TRPC4: variants seen among roughly 807,000 people sequenced by gnomAD.
TRPC4 encodes transient receptor potential cation channel subfamily C member 4, also known as short transient receptor potential channel 4.
A neutral mutation model predicts 99.4 loss-of-function variants in TRPC4; 49 were observed. The ratio of observed to expected loss-of-function variants is 0.49; its 90% CI spans 0.39 to 0.63. The LOEUF is 0.63. Among genes scored for constraint, TRPC4 ranks in the 20% least tolerant of loss-of-function variants. The pLI is 0.00. For synonymous variants in TRPC4, 454 were observed against 425.9 expected (o/e 1.07, Z -0.81); for missense variants, 898 against 1,152.9 (o/e 0.78, Z 3.20).
chr13:37,858,927 G>T (rs1050363116), intron 1 of TRPC4, among the ~76,000 whole-genome samples: 8 of 151,268 alleles, frequency 5.3e-5, no homozygotes, highest in Non-Finnish European at 7.4e-5. Context: ...ATAACTAAAA[G>T]GGCATAAATG....
intron 1 of TRPC4, among the ~76,000 whole-genome samples, chr13:37,797,304 T>C (rs1262387782): frequency 6.6e-6 from 1 of 152,316 alleles, no homozygotes; most frequent in African/African-American, 2.4e-5. Flanking sequence ...CAACTGACTA[T>C]GGATGCAACT....
chr13:37,817,706 A>G (rs561182246), intron 1 of TRPC4, among the ~76,000 whole-genome samples: 1 of 152,116 alleles, frequency 6.6e-6, no homozygotes, highest in East Asian at 1.9e-4. Flanking sequence ...ACAATGGAAC[A>G]GAATAAAGAA....
chr13:37,704,202 G>A (rs937706545), intron 3 of TRPC4, among the ~76,000 whole-genome samples: 2 of 152,138 alleles, frequency 1.3e-5, no homozygotes, highest in African/African-American at 2.4e-5. Context: ...AGTTGCCTAC[G>A]GGGGAATGGG....
At chr13:37,725,067 A>C (rs1955002510) in intron 3 of TRPC4, among the ~76,000 whole-genome samples, 1 of 152,062 alleles carries the variant, frequency 6.6e-6, no homozygotes. Context: ...GAATTTTTTA[A>C]AAAAAGAAAC....
intron 1 of TRPC4, among the ~76,000 whole-genome samples, chr13:37,831,849 T>C (rs1372914319): frequency 6.6e-6 from 1 of 151,706 alleles, no homozygotes; most frequent in Non-Finnish European, 1.5e-5. Context: ...CTCAGAGAAG[T>C]AGAGAGTAGA....
intron 5 of TRPC4, among the ~76,000 whole-genome samples, chr13:37,664,572 C>G (rs1229589069): frequency 8.7e-6 from 1 of 114,430 alleles, no homozygotes; most frequent in African/African-American, 3.5e-5. Context: ...GAAACTCCAT[C>G]TCAAAAGAAA....
intron 4 of TRPC4, among the ~76,000 whole-genome samples, chr13:37,676,835 G>T (rs1953073045): frequency 6.6e-6 from 1 of 152,066 alleles, no homozygotes. Flanking sequence ...CATACTAAAA[G>T]GATATTTTTA....
At chr13:37,700,209 A>G (rs934742448) in intron 3 of TRPC4, among the ~76,000 whole-genome samples, 1 of 152,204 alleles carries the variant, frequency 6.6e-6, no homozygotes, top group African/African-American at 2.4e-5. Flanking sequence ...TGCTTTCTTA[A>G]AACTTGAATA....
intron 4 of TRPC4, among the ~76,000 whole-genome samples, chr13:37,682,294 A>G (rs1181946448): frequency 6.6e-6 from 1 of 152,200 alleles, no homozygotes; most frequent in Non-Finnish European, 1.5e-5. Context: ...TATCAAATCA[A>G]TGAAGATAAA....
rs935534376 is a variant in TRPC4, at chr13:37,653,460, A to G, written c.1884+1628T>C. 3.4e-4 allele frequency among the ~76,000 whole-genome samples: 51 copies of G among 152,152 alleles called. 1 individual carries two copies. Among genetic ancestry groups the G allele is most frequent in the African/African-American group, 1.2e-3 (50 of 41,442 alleles). On this transcript the variant is annotated intron_variant, in intron 7 of 10. Coordinates refer to ENST00000379705, the MANE Select transcript of TRPC4 (RefSeq NM_016179.4). ...GAAAGAAAGAAAAAGAAAGGAAGGA[A>G]GGAAGGAAGAAAGAAAAAGAGAAAA... is the stretch of plus-strand genomic sequence containing the variant.
At chr13:37,727,456 C>T (rs1955101487) in intron 3 of TRPC4, among the ~76,000 whole-genome samples, 1 of 151,708 alleles carries the variant, frequency 6.6e-6, no homozygotes. Flanking sequence ...CCTATAAATA[C>T]TTACATTAAA....
chr13:37,832,170 G>A (rs1021251142), intron 1 of TRPC4, among the ~76,000 whole-genome samples: 1 of 152,098 alleles, frequency 6.6e-6, no homozygotes, highest in East Asian at 1.9e-4. Context: ...ATCATTATTT[G>A]TAAATTACAG....
chr13:37,696,911 A>G (rs939676580), intron 3 of TRPC4, among the ~76,000 whole-genome samples: 3 of 142,944 alleles, frequency 2.1e-5, no homozygotes, highest in Non-Finnish European at 4.5e-5. Context: ...CCATAGCTGA[A>G]ACATCTTTTT....
intron 3 of TRPC4, among the ~76,000 whole-genome samples, chr13:37,720,990 A>G (rs567249305): frequency 6.6e-6 from 1 of 152,216 alleles, no homozygotes. Flanking sequence ...TACTTGGAAG[A>G]ATTTGAAGAA....
intron 2 of TRPC4, among the ~76,000 whole-genome samples, chr13:37,764,321 A>G (rs1190170357): frequency 6.6e-6 from 1 of 151,240 alleles, no homozygotes. Context: ...TTTTTCTATA[A>G]TTATACATTT....
intron 2 of TRPC4, among the ~76,000 whole-genome samples, chr13:37,750,649 T>TA (rs961167246): frequency 2.6e-5 from 4 of 152,110 alleles, no homozygotes; most frequent in African/African-American, 9.7e-5. Flanking sequence ...TGGCAATTTT[T>TA]AAAAAAATTA....
intron 2 of TRPC4, among the ~76,000 whole-genome samples, chr13:37,780,133 T>G (rs529477323): frequency 2.8e-4 from 43 of 152,212 alleles, no homozygotes; most frequent in African/African-American, 9.4e-4. Flanking sequence ...TGAAAGCCTT[T>G]AAGTGTAGAC....
At chr13:37,814,505 T>C (rs1360539417) in intron 1 of TRPC4, among the ~76,000 whole-genome samples, 2 of 151,802 alleles carry the variant, frequency 1.3e-5, no homozygotes, top group African/African-American at 4.8e-5. Flanking sequence ...ATTATATGTT[T>C]ATAAAATAAG....
chr13:37,719,870 T>TAACATTAAAATATGTTTTAACGTTAA (rs1954808357), intron 3 of TRPC4, among the ~76,000 whole-genome samples: 1 of 152,058 alleles, frequency 6.6e-6, no homozygotes, highest in African/African-American at 2.4e-5. Context: ...GCTAATCAGC[T>TAACATTAAAATATGTTTTAACGTTAA]AACATTAAAA....
Sources: allele counts gnomAD v4.1 joint callset (sites outside exome capture counted in the v4.1 genomes callset), GRCh38; gene constraint gnomAD v4.1.1; transcripts MANE v1.5; gene names NCBI Gene and HGNC (gene_info 2026-07-23, HGNC 2026-07-21).